Variants in PLB1 observed in about 807,000 individuals in gnomAD.
PLB1 encodes phospholipase B1, also known as phospholipase B1, membrane-associated.
In PLB1, 242 loss-of-function variants were observed where a neutral mutation model predicts 227.4. The ratio of observed to expected loss-of-function variants is 1.06; its 90% CI spans 0.96 to 1.18. The LOEUF is 1.18. Among genes scored for constraint, PLB1 ranks in the 50% most tolerant of loss-of-function variants. The pLI is 0.00. For synonymous variants in PLB1, 757 were observed against 682.2 expected (o/e 1.11, Z -1.71); for missense variants, 1,858 against 1,816.3 (o/e 1.02, Z -0.42).
At chr2:28,639,601 G>GAACC (rs2148352485) in intron 56 of PLB1, among the ~76,000 whole-genome samples, 1 of 152,324 alleles carries the variant, frequency 6.6e-6, no homozygotes, top group African/African-American at 2.4e-5. Context: ...TGACGAGAAG[G>GAACC]AACCAGTAGA....
intron 17 of PLB1, among the ~76,000 whole-genome samples, chr2:28,557,290 G>A (rs949006181): frequency 6.6e-6 from 1 of 152,158 alleles, no homozygotes; most frequent in African/African-American, 2.4e-5. Flanking sequence ...GAGCTCCTCT[G>A]TGGAAGGCAC....
At chr2:28,540,880 G>A (rs564759157) in intron 12 of PLB1, among the ~76,000 whole-genome samples, 1 of 152,284 alleles carries the variant, frequency 6.6e-6, no homozygotes, top group South Asian at 2.1e-4. Context: ...CCCCAAGAGA[G>A]GGTGAAGGGG....
At chr2:28,554,026 T>C (rs143694206) in intron 17 of PLB1, among the ~76,000 whole-genome samples, 1 of 152,282 alleles carries the variant, frequency 6.6e-6, no homozygotes, top group East Asian at 1.9e-4. Flanking sequence ...GTTAAAAATA[T>C]TCTAACCAAA....
chr2:28,559,788 A>G (rs150330938), intron 17 of PLB1, among the ~76,000 whole-genome samples: 146 of 114,202 alleles, frequency 1.3e-3, no homozygotes, highest in African/African-American at 3.4e-3. Context: ...GTCTCGCTCT[A>G]TCTCCCAGGC....
At chr2:28,559,761 T>C (rs2148234031) in intron 17 of PLB1, among the ~76,000 whole-genome samples, 1 of 142,000 alleles carries the variant, frequency 7.0e-6, no homozygotes, top group South Asian at 2.4e-4. Flanking sequence ...TTTTTTTTTT[T>C]TTTTTTTTGA....
At chr2:28,625,284 G>A (rs1028147746) in intron 50 of PLB1, among the ~76,000 whole-genome samples, 176 bp downstream of exon 50, 2 of 152,174 alleles carry the variant, frequency 1.3e-5, no homozygotes, top group African/African-American at 4.8e-5. Context: ...ACTCCTAGAC[G>A]CAGGCTGTGG....
At chr2:28,600,037 A>C (rs1318074060) in intron 35 of PLB1, among the ~76,000 whole-genome samples, 1 of 151,902 alleles carries the variant, frequency 6.6e-6, no homozygotes, top group African/African-American at 2.4e-5. Flanking sequence ...CCTCCCTAGT[A>C]GTTGGGACTA....
chr2:28,620,782 TCCCACCCATGTC>T, intron 48 of PLB1, 85 bp from the exon 49 acceptor site: 1 of 1,490,308 alleles, frequency 6.7e-7, no homozygotes. Context: ...AACTCCTGTG[TCCCACCCATGTC>T]CCCACCCTGC....
intron 9 of PLB1, among the ~76,000 whole-genome samples, chr2:28,532,617 A>G (rs1671171981): frequency 6.6e-6 from 1 of 152,196 alleles, no homozygotes; most frequent in East Asian, 1.9e-4. Flanking sequence ...AGGCATAGAT[A>G]AGCTGAGTCA....
At chr2:28,541,860 T>C (rs775936179) in intron 13 of PLB1, 49 bp downstream of exon 13, 48 of 1,462,682 alleles carry the variant, frequency 3.3e-5, no homozygotes, top group Non-Finnish European at 4.6e-5. Context: ...GGGCCGGGCA[T>C]GGTGGCTCAC....
chr2:28,594,487 A>G (rs1290382367), intron 33 of PLB1: 1 of 162,970 alleles, frequency 6.1e-6, no homozygotes, highest in Admixed American at 5.9e-5. Flanking sequence ...CAGCGTGCTA[A>G]TGAGTGGCGG....
Position 28,625,047 on chromosome 2 carries a change from C to T in PLB1, c.3528-10C>T, listed in dbSNP as rs771084367. On this transcript the variant is annotated splice_polypyrimidine_tract_variant and intron_variant, in intron 49 of 57. Transcript: ENST00000327757. ...CGGCACTAACGCCCCTCTCTCTACC[C>T]CCCACCTAGGGACATGCCAGCCCAG... 1 of 1,613,070 alleles carries T rather than the reference C, an allele frequency of 6.2e-7. No individual in the cohort carries two copies. The highest frequency in any genetic ancestry group is 8.5e-7 in the Non-Finnish European group (1 of 1,179,502).
intron 14 of PLB1, among the ~76,000 whole-genome samples, chr2:28,544,661 A>G (rs1313798054): frequency 6.6e-6 from 1 of 152,222 alleles, no homozygotes; most frequent in Non-Finnish European, 1.5e-5. Flanking sequence ...GCCACGCACC[A>G]AGAAGCAATG....
At chr2:28,585,720 A>ATCT (rs1266607647) in intron 25 of PLB1, 41 bp from the exon 26 acceptor site, 1 of 1,469,356 alleles carries the variant, frequency 6.8e-7, no homozygotes, top group African/African-American at 1.4e-5. Flanking sequence ...CAGGATGGTG[A>ATCT]TCTTGGTGGG....
intron 20 of PLB1, among the ~76,000 whole-genome samples, chr2:28,567,469 C>CTTTTTTTTTTTTTTT (rs57787583): frequency 7.4e-5 from 8 of 108,074 alleles, no homozygotes; most frequent in African/African-American, 2.8e-4. Flanking sequence ...ATTTCTTTCT[C>CTTTTTTTTTTTTTTT]TTTTTTTTTT....
chr2:28,566,924 G>C (rs1466675833), intron 20 of PLB1, 85 bp downstream of exon 20: 5 of 1,508,370 alleles, frequency 3.3e-6, no homozygotes, highest in Non-Finnish European at 4.6e-6. Context: ...CGCGGGCCTC[G>C]GGAGGAGCCC....
rs375255217 is a variant in PLB1 at position 28,541,704 on chromosome 2, C to T, written c.775-3C>T. 3.2e-5 allele frequency: 52 copies of T among 1,612,916 alleles called. No individual in the cohort carries two copies. The highest frequency in any genetic ancestry group is 6.7e-5 in the Admixed American group (4 of 59,984). ...ATGGGCACCTCTCTGCTCCCTTCTC[C>T]AGGAAGCCTGGAACAGCCTCCTGGC... On this transcript the variant is annotated splice_polypyrimidine_tract_variant and splice_region_variant and intron_variant, in intron 12 of 57. Transcript: ENST00000327757.
At chr2:28,629,940 G>A (rs76789758) in intron 53 of PLB1, among the ~76,000 whole-genome samples, 16,605 of 152,148 alleles carry the variant, frequency 0.11, 2,153 homozygotes, top group African/African-American at 0.32. Context: ...TCCTACACCT[G>A]GGCTCAAATG....
At chr2:28,507,556 T>C (rs1198917053) in intron 1 of PLB1, among the ~76,000 whole-genome samples, 1 of 152,130 alleles carries the variant, frequency 6.6e-6, no homozygotes, top group Non-Finnish European at 1.5e-5. Flanking sequence ...CACTGCTACA[T>C]TGGGGATCAA....
Sources: gnomAD v4.1 joint callset for allele counts (sites outside exome capture counted in the v4.1 genomes callset) on GRCh38, gnomAD v4.1.1 for gene constraint, MANE v1.5 for transcripts, NCBI Gene and HGNC (gene_info 2026-07-23, HGNC 2026-07-21) for gene names.